The following DGKQ variants were observed in gnomAD, a reference collection of about 807,000 sequenced individuals.
The protein encoded by DGKQ is diacylglycerol kinase theta, also known as DAG kinase theta.
A neutral mutation model predicts 104.2 loss-of-function variants in DGKQ; 97 were observed. The ratio of observed to expected loss-of-function variants is 0.93; its 90% CI spans 0.79 to 1.10. The LOEUF (loss-of-function observed/expected upper bound fraction) is 1.10, where lower values mean the gene tolerates loss of function less well. Ranked by LOEUF, DGKQ falls within the 50% of genes least tolerant of loss-of-function variation. DGKQ has a pLI of 0.00. For synonymous variants in DGKQ, 736 were observed against 595.2 expected (o/e 1.24, Z -3.44); for missense variants, 1,465 against 1,352.1 (o/e 1.08, Z -1.31).
In DGKQ at chr4:973,351, TCCCGGC is replaced by T. The variant is rs920248569; in HGVS notation, c.126_131del (p.Gly44_Pro45del). 134 of 1,271,804 alleles carry T rather than the reference TCCCGGC, an allele frequency of 1.1e-4. No homozygotes were observed. In the African/African-American group the frequency reaches 1.2e-3, roughly 11 times the overall value. The allele number at this position is 1,271,804 out of a possible 1,614,324, so 78.8% of individuals were successfully genotyped here. A position where few individuals can be genotyped will look rare whatever the true frequency, so the allele number is the denominator to read the frequency against. On this transcript the variant is annotated inframe_deletion, in exon 1 of 23. Coordinates refer to ENST00000273814, the MANE Select transcript of DGKQ (RefSeq NM_001347.4). The stretch of plus-strand genomic sequence containing the variant: ...GGGCTCTGACGCCCGCCCGCTCGGG[TCCCGGC>T]CCCGGCCCCGGCCCCGGGCGCGCGC...
In DGKQ at chr4:961,490, C is replaced by T. The variant is rs760541083; in HGVS notation, c.2551G>A (p.Gly851Ser). The T allele has an allele frequency of 1.2e-6, 2 of 1,605,442 alleles. No individual in the cohort carries two copies. Among genetic ancestry groups the T allele is most frequent in the Non-Finnish European group, 1.7e-6 (2 of 1,177,398 alleles). ...ACCATGTGCACGACGCCCGTCACGC[C>T]CACAACCTCCAGCAGCCCGTCGTCC... The part of the protein sequence containing the change: ...RMDDGLLEVV[G>S]VTGVVHMGQV... The change falls in exon 21 of 23, where the codon GGC becomes AGC. Residue 851 changes from glycine to serine, a missense_variant. By Grantham distance (56) the Gly-to-Ser change is moderately conservative. Coordinates refer to ENST00000273814, the MANE Select transcript of DGKQ (RefSeq NM_001347.4).
chr4:962,410 C>A (rs763526276), intron 18 of DGKQ, 25 bp downstream of exon 18: 2 of 1,532,810 alleles, frequency 1.3e-6, no homozygotes, highest in South Asian at 2.4e-5. Flanking sequence ...GCCTGGAAGG[C>A]ACCCCACGCC....
At position 966,950 on chromosome 4, in the gene DGKQ, C is replaced by A; in HGVS notation, c.1311+14G>T. On this transcript the variant is annotated intron_variant, in intron 10 of 22. Transcript: ENST00000273814. The stretch of plus-strand genomic sequence containing the variant: ...GAGTCTGGCCGGCATGGGGAGCAGG[C>A]ACAGGGTACGCACCTGGCGGCCGAG... The A allele has an allele frequency of 6.4e-7, 1 of 1,556,756 alleles. No individual in the cohort carries two copies. The highest frequency in any genetic ancestry group is 8.7e-7 in the Non-Finnish European group (1 of 1,152,372).
Position 973,539 on chromosome 4 carries a change from C to T in DGKQ, c.-57G>A. The T allele has an allele frequency of 2.0e-6, 2 of 984,302 alleles. No homozygotes were observed. Among genetic ancestry groups the T allele is most frequent in the Non-Finnish European group, 2.4e-6 (2 of 829,076 alleles). The allele number at this position is 984,302 out of a possible 1,614,324, so 61.0% of individuals were successfully genotyped here. A position where few individuals can be genotyped will look rare whatever the true frequency, so the allele number is the denominator to read the frequency against. The stretch of plus-strand genomic sequence containing the variant: ...TCCGCGCCGGGGGTACAGGAGCCGC[C>T]GCTCCACGGCCCGGTACACTGCTTC... On this transcript the variant is annotated 5_prime_UTR_variant, in exon 1 of 23. Transcript: ENST00000273814.
In DGKQ at chr4:959,727, T is replaced by TG. The variant is rs36073129; in HGVS notation, c.*892dup. ...AAAGCCAGCTCCTCCTCCACGTGCA[T>TG]GGGCTGTTTACACCTCCCAAACTCC... On this transcript the variant is annotated 3_prime_UTR_variant, in exon 23 of 23. Transcript: ENST00000273814. 120,397 of 152,278 alleles carry TG rather than the reference T, an allele frequency of 0.79. 47,754 individuals carry two copies. Among genetic ancestry groups the TG allele is most frequent in the South Asian group, 0.94 (4,527 of 4,836 alleles). 9.4% of individuals were successfully genotyped at this position (152,278 alleles called of 1,614,324 possible). A position where few individuals can be genotyped will look rare whatever the true frequency, so the allele number is the denominator to read the frequency against.
chr4:961,583 C>G lies in DGKQ; in HGVS notation c.2463-5G>C. 1.9e-6 allele frequency: 3 copies of G among 1,609,592 alleles called. No homozygotes were observed. The highest frequency in any genetic ancestry group is 2.5e-6 in the Non-Finnish European group (3 of 1,178,718). ...AGGTCGGCCCCCGAGCCCCAGCTGC[C>G]GCATAAGAGAGCGGGCACAGAGGTG... On this transcript the variant is annotated splice_region_variant and splice_polypyrimidine_tract_variant and intron_variant, in intron 20 of 22. Coordinates refer to ENST00000273814, the MANE Select transcript of DGKQ (RefSeq NM_001347.4).
At chr4:967,847 A>T (rs1712543282) in intron 6 of DGKQ, 33 bp downstream of exon 6, 4 of 1,503,488 alleles carry the variant, frequency 2.7e-6, no homozygotes, top group Non-Finnish European at 3.5e-6. Flanking sequence ...CGCAGCCCCC[A>T]GCCCAGGGCG....
rs115971403 is a variant in DGKQ, at chr4:962,751, C to A, written c.2035+21G>T. 10,357 of 1,599,482 alleles carry A rather than the reference C, an allele frequency of 6.5e-3. 571 individuals are homozygous for A. In the African/African-American group the frequency reaches 0.12, roughly 19 times the overall value. ...GGGGTAGACCCTGAGGCCCCCTCCT[C>A]GGCTGCACGGCTGAGCCCACCTGTG... On this transcript the variant is annotated intron_variant, in intron 17 of 22. Transcript: ENST00000273814.
chr4:966,919 CCCA>C (rs761213074), intron 10 of DGKQ, 42 bp downstream of exon 10: 2 of 1,548,914 alleles, frequency 1.3e-6, no homozygotes, highest in East Asian at 4.8e-5. Context: ...ACAGCGACCC[CCCA>C]CCGAGTCTGG....
rs1711930332 is a variant in DGKQ, at chr4:962,090, C to T, written c.2215-8G>A. The T allele has an allele frequency of 3.1e-6, 5 of 1,608,672 alleles. No individual in the cohort carries two copies. Among genetic ancestry groups the T allele is most frequent in the East Asian group, 2.2e-5 (1 of 44,882 alleles). ...GTTACTCATCTGCACGATCTGGGGA[C>T]AGGGCGTTCATCTCCCAGGACCCGG... On this transcript the variant is annotated splice_region_variant and splice_polypyrimidine_tract_variant and intron_variant, in intron 18 of 22. Coordinates refer to ENST00000273814, the MANE Select transcript of DGKQ (RefSeq NM_001347.4).
Position 960,307 on chromosome 4 carries a change from C to G in DGKQ, c.*313G>C. The G allele has an allele frequency of 6.7e-6, 3 of 449,054 alleles. No homozygotes were observed. The highest frequency in any genetic ancestry group is 3.0e-5 in the South Asian group (1 of 32,814). The allele number at this position is 449,054 out of a possible 1,614,324, so 27.8% of individuals were successfully genotyped here. On this transcript the variant is annotated 3_prime_UTR_variant, in exon 23 of 23. Coordinates refer to ENST00000273814, the MANE Select transcript of DGKQ (RefSeq NM_001347.4). ...TGGGGAGAGGGATGGGTGCCCACCC[C>G]TGAGGAGAGGACCAGGCCCCCACAG...
Position 958,916 on chromosome 4 carries a change from C to T in DGKQ, c.*1704G>A, listed in dbSNP as rs184400698. 9.1e-4 allele frequency: 179 copies of T among 196,244 alleles called. No individual in the cohort carries two copies. The highest frequency in any genetic ancestry group is 3.8e-3 in the African/African-American group (162 of 42,682). 12.2% of individuals were successfully genotyped at this position (196,244 alleles called of 1,614,324 possible). A position where few individuals can be genotyped will look rare whatever the true frequency, so the allele number is the denominator to read the frequency against. The stretch of plus-strand genomic sequence containing the variant: ...ATAGTGACGCCCAGACTGTATTTGT[C>T]CTGGATATAAATTACTGTTGCATTC... On this transcript the variant is annotated 3_prime_UTR_variant, in exon 23 of 23. Coordinates refer to ENST00000273814, the MANE Select transcript of DGKQ (RefSeq NM_001347.4).
In DGKQ at chr4:961,231, C is replaced by T. The variant is rs373935875; in HGVS notation, c.2575-30G>A. 111 of 1,504,884 alleles carry T rather than the reference C, an allele frequency of 7.4e-5. No individual in the cohort carries two copies. The African/African-American group carries it at 1.3e-3, about 18-fold the overall frequency. The allele number at this position is 1,504,884 out of a possible 1,614,324, so 93.2% of individuals were successfully genotyped here. ...GGCGGGAGAGGCCAGCCGGGCTCAG[C>T]GGGGATCAGGGACGCCCACCGCTGA... On this transcript the variant is annotated intron_variant, in intron 21 of 22. Coordinates refer to ENST00000273814, the MANE Select transcript of DGKQ (RefSeq NM_001347.4).
chr4:963,628 G>GGA (rs1712062230), intron 15 of DGKQ, among the ~76,000 whole-genome samples: 1 of 152,220 alleles, frequency 6.6e-6, no homozygotes, highest in Non-Finnish European at 1.5e-5. Flanking sequence ...AAATCCACGT[G>GGA]GGACTCTGCG....
rs1713107941 is a variant in DGKQ, at chr4:973,473, C to T, written c.10G>A (p.Ala4Thr). The change falls in exon 1 of 23, where the codon GCG (alanine) becomes ACG (threonine). Residue 4 changes from alanine to threonine, a missense_variant. Coordinates refer to ENST00000273814, the MANE Select transcript of DGKQ (RefSeq NM_001347.4). MAA[A>T]AEPGARAWLG... ...CAGGCGCGGGCCCCGGGCTCGGCCGCCGCCGCCATTCCCGGCCCGAGCGGC... is the reference window on the plus strand; with the variant it reads ...CAGGCGCGGGCCCCGGGCTCGGCCGTCGCCGCCATTCCCGGCCCGAGCGGC... 1.7e-5 allele frequency: 17 copies of T among 987,002 alleles called. No individual in the cohort carries two copies. The highest frequency in any genetic ancestry group is 1.9e-5 in the Non-Finnish European group (16 of 832,086). The allele number at this position is 987,002 out of a possible 1,614,324, so 61.1% of individuals were successfully genotyped here. A position where few individuals can be genotyped will look rare whatever the true frequency, so the allele number is the denominator to read the frequency against.
chr4:967,172 G>T lies in DGKQ; in HGVS notation c.1177C>A (p.Pro393Thr). 2 of 1,598,782 alleles carry T rather than the reference G, an allele frequency of 1.3e-6. No homozygotes were observed. The highest frequency in any genetic ancestry group is 1.7e-6 in the Non-Finnish European group (2 of 1,173,424). ...TPEAWVIRAL[P>T]RAQEVLKIYP... ...ATCTTCAGGACCTCCTGGGCCCGCGGCAGAGCCCGGATGACCCAGGCCTCT... is the reference window on the plus strand; with the variant it reads ...ATCTTCAGGACCTCCTGGGCCCGCGTCAGAGCCCGGATGACCCAGGCCTCT... The change falls in exon 9 of 23, where the codon CCG (proline) becomes ACG (threonine). Residue 393 changes from proline to threonine, a missense_variant. By Grantham distance (38) the Pro-to-Thr change is conservative (BLOSUM62 -1). Transcript: ENST00000273814.
rs201971018 is a variant in DGKQ at position 965,556 on chromosome 4, G to A, written c.1580-27C>T. 1.0e-4 allele frequency: 164 copies of A among 1,609,558 alleles called. No individual in the cohort carries two copies. The East Asian group carries it at 2.6e-3, about 25-fold the overall frequency. ...TGCAAAGGCAGGCTGTGGTCAGGGC[G>A]GTGGGAGGCGAAGGACACACAGCAC... On this transcript the variant is annotated intron_variant, in intron 13 of 22. Transcript: ENST00000273814.
Position 967,272 on chromosome 4 carries a change from G to A in DGKQ, c.1077C>T (p.Ala359=). Residue 359 remains alanine, a synonymous_variant, in exon 9 of 23, where the codon GCC becomes GCT. Coordinates refer to ENST00000273814, the MANE Select transcript of DGKQ (RefSeq NM_001347.4). ...CACTCCCAGCCTTGCCCCCAGCCCAGGCGTCACAGGCCTGAGAGGAAGGGG... is the reference window on the plus strand; with the variant it reads ...CACTCCCAGCCTTGCCCCCAGCCCAAGCGTCACAGGCCTGAGAGGAAGGGG... ...RLPPSSQACD[A]WAGGKAGSAV... 6.4e-7 allele frequency: 1 copy of A among 1,551,160 alleles called. No homozygotes were observed. The highest frequency in any genetic ancestry group is 8.7e-7 in the Non-Finnish European group (1 of 1,152,642).
In DGKQ at chr4:961,565, C is replaced by T. The variant is rs1432377418; in HGVS notation, c.2476G>A (p.Ala826Thr). ...TCGCTGTCGGAGCCCCACAGGTCGGCCCCCGAGCCCCAGCTGCCGCATAAG... is the reference window on the plus strand; with the variant it reads ...TCGCTGTCGGAGCCCCACAGGTCGGTCCCCGAGCCCCAGCTGCCGCATAAG... ...FINIPSWGSG[A>T]DLWGSDSDTR... Residue 826 changes from alanine to threonine, a missense_variant, in exon 21 of 23, where the codon GCC (alanine) becomes ACC (threonine). Coordinates refer to ENST00000273814, the MANE Select transcript of DGKQ (RefSeq NM_001347.4). 2 of 1,608,444 alleles carry T rather than the reference C, an allele frequency of 1.2e-6. No individual in the cohort carries two copies.
Sources: allele counts gnomAD v4.1 joint callset (sites outside exome capture counted in the v4.1 genomes callset), GRCh38; gene constraint gnomAD v4.1.1; transcripts MANE v1.5; gene names NCBI Gene and HGNC (gene_info 2026-07-23, HGNC 2026-07-21).